The following SYN3 variants were observed in gnomAD, a reference collection of about 807,000 sequenced individuals.
SYN3 encodes synapsin III.
In SYN3, 35 loss-of-function variants were observed where a neutral mutation model predicts 65.8. The ratio of observed to expected loss-of-function variants is 0.53; its 90% CI spans 0.41 to 0.70. The LOEUF (loss-of-function observed/expected upper bound fraction) is 0.70. Among genes scored for constraint, SYN3 ranks in the 30% least tolerant of loss-of-function variants. The pLI is 0.00. For synonymous variants in SYN3, 270 were observed against 292.9 expected, an observed-to-expected ratio of 0.92 and a Z score of 0.80; for missense variants, 680 against 749.0, an observed-to-expected ratio of 0.91 and a Z score of 1.08.
chr22:32,740,386 A>G (rs968840519), intron 6 of SYN3, among the ~76,000 whole-genome samples: 6 of 152,188 alleles, frequency 3.9e-5, no homozygotes, highest in Non-Finnish European at 5.9e-5. Flanking sequence ...AGCTTGGGGA[A>G]TGGAACCCTG....
At chr22:32,566,090 G>C (rs2058668875) in intron 7 of SYN3, among the ~76,000 whole-genome samples, 1 of 151,988 alleles carries the variant, frequency 6.6e-6, no homozygotes, top group South Asian at 2.1e-4. Context: ...TGATCCTCCT[G>C]CTTGGGTCTC....
chr22:32,576,321 A>G (rs957136758), intron 7 of SYN3, among the ~76,000 whole-genome samples: 1 of 152,150 alleles, frequency 6.6e-6, no homozygotes, highest in African/African-American at 2.4e-5. Context: ...TAATGGATGT[A>G]ATTCACCATT....
chr22:33,028,964 C>T (rs927304544), intron 1 of SYN3, among the ~76,000 whole-genome samples: 3 of 151,614 alleles, frequency 2.0e-5, no homozygotes, highest in Non-Finnish European at 2.9e-5. Context: ...GGTGTAAACC[C>T]GGGAGGCAGA....
Position 32,981,016 on chromosome 22 carries a change from G to A in SYN3, c.312-314C>T, listed in dbSNP as rs1157699194. Among the ~76,000 whole-genome samples, 7 of 151,542 alleles carry A rather than the reference G, an allele frequency of 4.6e-5. No homozygotes were observed. The East Asian group carries it at 6.0e-4, about 13-fold the overall frequency. On this transcript the variant is annotated intron_variant, in intron 2 of 13. Transcript: ENST00000358763. ...ATTACAGGTGCCTGCCATCACATCC[G>A]GCTATTTTTTTTATTTTTAGTAGAG...
intron 6 of SYN3, among the ~76,000 whole-genome samples, chr22:32,605,515 G>A (rs781534582): frequency 8.5e-5 from 13 of 152,120 alleles, no homozygotes; most frequent in East Asian, 3.8e-4. Context: ...TACATATATC[G>A]CCCCACGTAA....
intron 6 of SYN3, among the ~76,000 whole-genome samples, chr22:32,778,580 C>T (rs2042435575): frequency 6.6e-6 from 1 of 152,194 alleles, no homozygotes; most frequent in African/African-American, 2.4e-5. Context: ...ATGTGAGCCA[C>T]CGCACCCGGC....
At chr22:32,881,605 C>T (rs895575869) in intron 4 of SYN3, among the ~76,000 whole-genome samples, 5 of 152,224 alleles carry the variant, frequency 3.3e-5, no homozygotes, top group Non-Finnish European at 4.4e-5. Flanking sequence ...TCTCAGGTGG[C>T]CCAGCCACTT....
At chr22:32,533,352 C>T (rs1020753143) in intron 10 of SYN3, among the ~76,000 whole-genome samples, 1 of 152,126 alleles carries the variant, frequency 6.6e-6, no homozygotes, top group African/African-American at 2.4e-5. Context: ...ATCCCCAGAG[C>T]CACACCCATG....
intron 7 of SYN3, among the ~76,000 whole-genome samples, chr22:32,588,322 A>G (rs1334585854): frequency 1.3e-5 from 2 of 152,084 alleles, no homozygotes; most frequent in Non-Finnish European, 2.9e-5. Flanking sequence ...AAGCCCTGAG[A>G]GCCTGAATCT....
chr22:32,865,874 A>C (rs145561084), intron 5 of SYN3, among the ~76,000 whole-genome samples: 2 of 152,210 alleles, frequency 1.3e-5, no homozygotes, highest in African/African-American at 4.8e-5. Flanking sequence ...TGGAAGGGGG[A>C]CAGAGTAGGG....
chr22:32,933,102 C>CA (rs1318057679), intron 3 of SYN3, among the ~76,000 whole-genome samples: 4 of 152,162 alleles, frequency 2.6e-5, no homozygotes, highest in African/African-American at 4.8e-5. Flanking sequence ...GTTAGGACTT[C>CA]AACATATGAA....
chr22:32,802,263 A>T, intron 6 of SYN3: 2 of 1,303,872 alleles, frequency 1.5e-6, no homozygotes, highest in African/African-American at 3.0e-5. Flanking sequence ...GAGAAACTCG[A>T]TGTCCTTGGG....
chr22:33,008,133 C>G (rs1018680120), intron 1 of SYN3, among the ~76,000 whole-genome samples: 2 of 152,124 alleles, frequency 1.3e-5, no homozygotes, highest in Non-Finnish European at 2.9e-5. Flanking sequence ...GATGAGGTTT[C>G]ACCATGTTGG....
chr22:32,989,421 T>C (rs2052627553), intron 2 of SYN3, among the ~76,000 whole-genome samples: 1 of 152,034 alleles, frequency 6.6e-6, no homozygotes, highest in African/African-American at 2.4e-5. Flanking sequence ...CAAGAGGAGG[T>C]AGATGGCAGC....
chr22:32,890,351 A>T (rs1400952605), intron 4 of SYN3, among the ~76,000 whole-genome samples: 1 of 151,978 alleles, frequency 6.6e-6, no homozygotes, highest in Non-Finnish European at 1.5e-5. Flanking sequence ...CTGGGGTTAC[A>T]GGTTTGAGCC....
chr22:32,835,645 T>C (rs545221675), intron 6 of SYN3, among the ~76,000 whole-genome samples: 5 of 152,310 alleles, frequency 3.3e-5, no homozygotes, highest in African/African-American at 1.2e-4. Context: ...GGGCTGCCGA[T>C]CAGATGTCTA....
At position 33,028,694 on chromosome 22, in the gene SYN3, G is replaced by GTGGTGGTGA. The variant is rs1569413503; in HGVS notation, c.-162-21871_-162-21870insTCACCACCA. Among the ~76,000 whole-genome samples the GTGGTGGTGA allele has an allele frequency of 4.0e-3, 525 of 131,142 alleles. 2 individuals are homozygous for GTGGTGGTGA. Among genetic ancestry groups the GTGGTGGTGA allele is most frequent in the African/African-American group, 0.015 (499 of 33,938 alleles). The allele number at this position is 131,142 out of a possible 152,430, so 86.0% of individuals were successfully genotyped here. On this transcript the variant is annotated intron_variant, in intron 1 of 13. Coordinates refer to ENST00000358763, the MANE Select transcript of SYN3 (RefSeq NM_003490.4). ...GGTGGTGGTGGTGGTGGTGGTGATG[G>GTGGTGGTGA]TGGTGGTGGTGGTGGTGGTGGGGTT...
intron 6 of SYN3, among the ~76,000 whole-genome samples, chr22:32,614,479 C>T (rs970924996): frequency 3.9e-5 from 6 of 152,200 alleles, no homozygotes; most frequent in East Asian, 1.9e-4. Context: ...CCAAGACCCC[C>T]AGTTTTCTTC....
rs370400123 is a variant in SYN3, at chr22:32,533,822, T to C, written c.1066A>G (p.Ser356Gly). 6.8e-6 allele frequency: 11 copies of C among 1,613,780 alleles called. No individual in the cohort carries two copies. Among genetic ancestry groups the C allele is most frequent in the Non-Finnish European group, 7.6e-6 (9 of 1,179,850 alleles). ...ATGATGTAATCTCTGCCATCCTTGCTGTGGACAGCCTTGACGGCACAGATG... is the reference window on the plus strand; with the variant it reads ...ATGATGTAATCTCTGCCATCCTTGCCGTGGACAGCCTTGACGGCACAGATG... Reference protein sequence around the residue: ...LDICAVKAVHSKDGRDYIIEV... With the variant: ...LDICAVKAVHGKDGRDYIIEV... Residue 356 changes from serine to glycine, a missense_variant, in exon 10 of 14, where the codon AGC (serine) becomes GGC (glycine). Coordinates refer to ENST00000358763, the MANE Select transcript of SYN3 (RefSeq NM_003490.4).
Sources: allele counts gnomAD v4.1 joint callset (sites outside exome capture counted in the v4.1 genomes callset), GRCh38; gene constraint gnomAD v4.1.1; transcripts MANE v1.5; gene names NCBI Gene and HGNC (gene_info 2026-07-23, HGNC 2026-07-21).